The following PCM1 variants were observed in gnomAD, a reference collection of about 807,000 sequenced individuals.
PCM1 encodes the protein pericentriolar material 1 protein.
In PCM1, 157 loss-of-function variants were observed where a neutral mutation model predicts 241.9. The ratio of observed to expected loss-of-function variants is 0.65; its 90% CI spans 0.57 to 0.74. PCM1 has a LOEUF of 0.74. Among genes scored for constraint, PCM1 ranks in the 30% least tolerant of loss-of-function variants. The pLI, the probability that PCM1 is intolerant of heterozygous loss-of-function variation, is 0.00. For synonymous variants in PCM1, 1,085 were observed against 784.9 expected (o/e 1.38, Z -6.39); for missense variants, 3,478 against 2,360.1 (o/e 1.47, Z -9.81).
rs374471239 is a variant in PCM1, at chr8:18,009,643, T to C, written c.5059T>C (p.Phe1687Leu). The change falls in exon 31 of 39, where the codon TTT becomes CTT. Residue 1687 changes from phenylalanine to leucine, a missense_variant. Transcript: ENST00000325083. The stretch of plus-strand genomic sequence containing the variant: ...AGTGTTGTTCAATGAATTGGCTTTC[T>C]TTAAGCTTATGCAAGATTTGGATAA... ...SEVLFNELAF[F>L]KLMQDLDNNS... The C allele has an allele frequency of 1.3e-6, 2 of 1,588,156 alleles. No homozygotes were observed. The highest frequency in any genetic ancestry group is 1.3e-5 in the African/African-American group (1 of 74,288).
At chr8:17,961,976 A>G (rs1277057482) in intron 15 of PCM1, 58 bp from the exon 16 acceptor site, 11 of 1,499,130 alleles carry the variant, frequency 7.3e-6, no homozygotes, top group Admixed American at 2.1e-5. Context: ...AACTGCTTTT[A>G]TGAAATTAAT....
intron 24 of PCM1, among the ~76,000 whole-genome samples, chr8:17,984,975 A>G (rs185131876): frequency 4.3e-4 from 66 of 152,034 alleles, no homozygotes; most frequent in African/African-American, 1.4e-3. Context: ...ACTATACTGG[A>G]TAGACCTTAA....
chr8:18,016,055 A>AT (rs1339743015), intron 36 of PCM1, among the ~76,000 whole-genome samples: 2 of 152,036 alleles, frequency 1.3e-5, no homozygotes, highest in African/African-American at 4.8e-5. Context: ...CACCCGGCTA[A>AT]TTTTTTGTAT....
rs1470317505 is a variant in PCM1, at chr8:17,966,323, A to G, written c.3076-5A>G. 1.2e-6 allele frequency: 2 copies of G among 1,613,478 alleles called. No homozygotes were observed. The highest frequency in any genetic ancestry group is 3.3e-5 in the Admixed American group (2 of 59,996). The stretch of plus-strand genomic sequence containing the variant: ...TAACTATTAACAAACATTTTCTTTC[A>G]ATAGACTCTATCTTGTCTGCTACAA... On this transcript the variant is annotated splice_region_variant and splice_polypyrimidine_tract_variant and intron_variant, in intron 19 of 38. Coordinates refer to ENST00000325083, the MANE Select transcript of PCM1 (RefSeq NM_006197.4).
At chr8:17,988,937 C>T (rs2083504143) in intron 26 of PCM1, among the ~76,000 whole-genome samples, 2 of 151,916 alleles carry the variant, frequency 1.3e-5, no homozygotes, top group Non-Finnish European at 1.5e-5. Flanking sequence ...TGTGACCCAG[C>T]AATTTCTCTT....
At chr8:18,015,669 CAAAT>C (rs895763427) in intron 36 of PCM1, 75 of 152,078 alleles carry the variant, frequency 4.9e-4, no homozygotes, top group African/African-American at 1.8e-3. Flanking sequence ...GCTTCTTACT[CAAAT>C]AAACTGTAAA....
rs17635063 is a variant in PCM1, at chr8:17,931,065, A to G, written c.-22-4524A>G. 1.3e-3 allele frequency among the ~76,000 whole-genome samples: 195 copies of G among 152,326 alleles called. 4 individuals carry two copies. In the East Asian group the frequency reaches 0.031, roughly 24 times the overall value. Reference sequence around the variant, plus strand: ...GTGGATGAAATTGTTCATTTTGCCAACCTGATAGATTAGACTTTAGTAAAT... The same window carrying G: ...GTGGATGAAATTGTTCATTTTGCCAGCCTGATAGATTAGACTTTAGTAAAT... On this transcript the variant is annotated intron_variant, in intron 2 of 38. Transcript: ENST00000325083.
intron 32 of PCM1, among the ~76,000 whole-genome samples, 162 bp from the exon 33 acceptor site, chr8:18,011,075 T>C (rs2092428191): frequency 6.6e-6 from 1 of 152,210 alleles, no homozygotes; most frequent in Admixed American, 6.5e-5. Context: ...TCAAATGACC[T>C]TTTTCCTGAC....
intron 34 of PCM1, among the ~76,000 whole-genome samples, chr8:18,013,036 C>CT (rs1324571892): frequency 6.6e-6 from 1 of 152,188 alleles, no homozygotes; most frequent in African/African-American, 2.4e-5. Context: ...TTGGGCTTCA[C>CT]TGCAGGTAGG....
At chr8:17,974,163 T>C (rs2077833244) in intron 23 of PCM1, among the ~76,000 whole-genome samples, 1 of 152,320 alleles carries the variant, frequency 6.6e-6, no homozygotes, top group East Asian at 1.9e-4. Flanking sequence ...GAGAAGCTGG[T>C]TTATTTAGTA....
intron 9 of PCM1, among the ~76,000 whole-genome samples, chr8:17,954,080 T>C (rs1259591417): frequency 1.3e-5 from 2 of 152,234 alleles, no homozygotes; most frequent in African/African-American, 2.4e-5. Context: ...TGCTAGTCTC[T>C]TTCTCCTCTA....
chr8:17,985,728 C>G (rs2082359516), intron 25 of PCM1, 109 bp downstream of exon 25: 3 of 878,656 alleles, frequency 3.4e-6, no homozygotes, highest in Non-Finnish European at 5.1e-6. Context: ...TTCATCTGTT[C>G]TCTATGTGCT....
At chr8:17,931,464 T>C (rs1361149464) in intron 2 of PCM1, among the ~76,000 whole-genome samples, 1 of 152,136 alleles carries the variant, frequency 6.6e-6, no homozygotes, top group African/African-American at 2.4e-5. Flanking sequence ...AGTTTTTGTA[T>C]TTTTAGTAGA....
chr8:17,944,668 T>G (rs574998607), intron 6 of PCM1, among the ~76,000 whole-genome samples: 74 of 152,280 alleles, frequency 4.9e-4, no homozygotes, highest in African/African-American at 1.7e-3. Flanking sequence ...CCAGGTGCCA[T>G]CTTCCTGGTA....
chr8:18,017,713 C>T lies in PCM1; in HGVS notation c.5841+2873C>T, dbSNP rs141865947. On this transcript the variant is annotated intron_variant, in intron 36 of 38. Coordinates refer to ENST00000325083, the MANE Select transcript of PCM1 (RefSeq NM_006197.4). ...TATTAAAAATACAAAATTAGCCAGG[C>T]GTGGTGACACATGCCTGTAAACCCA... 3.7e-4 allele frequency among the ~76,000 whole-genome samples: 56 copies of T among 152,216 alleles called. No homozygotes were observed. In the East Asian group the frequency reaches 9.9e-3, roughly 27 times the overall value.
chr8:18,010,214 G>T (rs546337725), intron 31 of PCM1, among the ~76,000 whole-genome samples: 19 of 152,274 alleles, frequency 1.2e-4, no homozygotes, highest in South Asian at 8.3e-4. Context: ...TTTGATCACA[G>T]GTGAGATTGG....
Position 17,989,888 on chromosome 8 carries a change from A to C in PCM1, c.4440A>C (p.Glu1480Asp), listed in dbSNP as rs1445313770. The C allele has an allele frequency of 6.5e-7, 1 of 1,545,152 alleles. No individual in the cohort carries two copies. The highest frequency in any genetic ancestry group is 1.4e-5 in the African/African-American group (1 of 72,904). ...DETFEKNFER[E>D]THKISEQNDA... ...CTTTTGAGAAGAACTTTGAAAGAGA[A>C]ACCCATAAAATAAGTGAGCAAAATG... The change falls in exon 27 of 39, where the codon GAA becomes GAC. Residue 1480 changes from glutamate to aspartate, a missense_variant. Physicochemically the swap from Glu to Asp is conservative, Grantham distance 45. Transcript: ENST00000325083.
chr8:18,012,892 C>CT (rs570964000), intron 34 of PCM1, among the ~76,000 whole-genome samples: 4 of 151,998 alleles, frequency 2.6e-5, no homozygotes, highest in African/African-American at 9.7e-5. Flanking sequence ...TGAACACTTT[C>CT]TTTTTTTCTG....
At chr8:17,937,466 G>T (rs2060745095) in intron 4 of PCM1, 87 bp downstream of exon 4, 1 of 1,231,176 alleles carries the variant, frequency 8.1e-7, no homozygotes, top group South Asian at 1.5e-5. Flanking sequence ...ATAAAAAATT[G>T]AGCTGTTTAT....
Sources: allele counts gnomAD v4.1 joint callset (sites outside exome capture counted in the v4.1 genomes callset), GRCh38; gene constraint gnomAD v4.1.1; transcripts MANE v1.5; gene names NCBI Gene and HGNC (gene_info 2026-07-23, HGNC 2026-07-21).